The following STXBP5L variants were observed in gnomAD, a reference collection of about 807,000 sequenced individuals.
STXBP5L encodes the protein syntaxin-binding protein 5-like.
In STXBP5L, 65 loss-of-function variants were observed where a neutral mutation model predicts 144.5. The ratio of observed to expected loss-of-function variants is 0.45; its 90% CI spans 0.37 to 0.55. The LOEUF (loss-of-function observed/expected upper bound fraction) is 0.55, where lower values mean the gene tolerates loss of function less well. Ranked by LOEUF, STXBP5L falls within the 20% of genes least tolerant of loss-of-function variation. The pLI is 0.00. For synonymous variants in STXBP5L, 505 were observed against 469.6 expected (o/e 1.08, Z -0.97); for missense variants, 1,298 against 1,405.5 (o/e 0.92, Z 1.22).
chr3:121,096,665 G>A (rs1306436083), intron 5 of STXBP5L, among the ~76,000 whole-genome samples: 2 of 152,014 alleles, frequency 1.3e-5, no homozygotes, highest in Non-Finnish European at 2.9e-5. Flanking sequence ...TATAACCAGG[G>A]GCGGCTGCAT....
intron 24 of STXBP5L, 110 bp from the exon 25 acceptor site, chr3:121,415,747 A>C: frequency 1.7e-6 from 1 of 605,274 alleles, no homozygotes; most frequent in Non-Finnish European, 2.7e-6. Flanking sequence ...AAATATATGA[A>C]AAGCAGACTG....
chr3:121,160,987 T>C (rs79733909), intron 9 of STXBP5L, among the ~76,000 whole-genome samples: 15,143 of 152,094 alleles, frequency 0.1, 950 homozygotes, highest in Non-Finnish European at 0.14. Flanking sequence ...CTATTTCTCT[T>C]CCCCTACTGT....
At chr3:121,085,272 T>C (rs907634584) in intron 5 of STXBP5L, among the ~76,000 whole-genome samples, 2 of 152,190 alleles carry the variant, frequency 1.3e-5, no homozygotes, top group East Asian at 3.8e-4. Flanking sequence ...GTTGACGTTT[T>C]TGTCATGAAA....
rs1348775722 is a variant in STXBP5L, at chr3:121,223,000, T to C, written c.957-3T>C. 7 of 1,597,026 alleles carry C rather than the reference T, an allele frequency of 4.4e-6. No individual in the cohort carries two copies. Among genetic ancestry groups the C allele is most frequent in the Non-Finnish European group, 6.0e-6 (7 of 1,174,488 alleles). On this transcript the variant is annotated splice_polypyrimidine_tract_variant and splice_region_variant and intron_variant, in intron 10 of 26. Transcript: ENST00000471454. ...AGTCTCATTCATGTTTTTTCCTATGTAGCGAACCATTCATAATATTCTCTG... is the reference window on the plus strand; with the variant it reads ...AGTCTCATTCATGTTTTTTCCTATGCAGCGAACCATTCATAATATTCTCTG...
chr3:120,993,450 T>G (rs1943085877), intron 3 of STXBP5L, among the ~76,000 whole-genome samples: 1 of 152,164 alleles, frequency 6.6e-6, no homozygotes, highest in African/African-American at 2.4e-5. Context: ...GGTCTTATGT[T>G]TAAGGCTTTA....
chr3:121,053,616 A>G (rs2107602128), intron 5 of STXBP5L, among the ~76,000 whole-genome samples: 1 of 152,320 alleles, frequency 6.6e-6, no homozygotes, highest in Non-Finnish European at 1.5e-5. Context: ...TAAATGTTAG[A>G]CCTAAAACCA....
At chr3:121,331,319 C>T (rs905465131) in intron 20 of STXBP5L, among the ~76,000 whole-genome samples, 3 of 152,178 alleles carry the variant, frequency 2.0e-5, no homozygotes, top group Non-Finnish European at 2.9e-5. Context: ...CCCCCTTGCT[C>T]GCCACTGCAG....
At chr3:121,179,699 G>A (rs527791545) in intron 9 of STXBP5L, among the ~76,000 whole-genome samples, 1 of 152,086 alleles carries the variant, frequency 6.6e-6, no homozygotes, top group South Asian at 2.1e-4. Context: ...TGTAGGATAT[G>A]GATGAAAAAT....
At chr3:121,364,478 T>C (rs1039019774) in intron 20 of STXBP5L, among the ~76,000 whole-genome samples, 2 of 147,168 alleles carry the variant, frequency 1.4e-5, no homozygotes, top group African/African-American at 5.1e-5. Flanking sequence ...TTGTTCTATA[T>C]CTGCAAAAAA....
intron 3 of STXBP5L, among the ~76,000 whole-genome samples, chr3:120,993,521 A>G (rs183315550): frequency 3.3e-5 from 5 of 152,180 alleles, no homozygotes; most frequent in Admixed American, 1.3e-4. Flanking sequence ...ATTGTTCTAC[A>G]TAAGGATATG....
At chr3:121,396,811 A>C (rs1006616297) in intron 22 of STXBP5L, among the ~76,000 whole-genome samples, 1 of 152,254 alleles carries the variant, frequency 6.6e-6, no homozygotes, top group Non-Finnish European at 1.5e-5. Context: ...TGGAAGAGGT[A>C]TATGAGCCCT....
intron 5 of STXBP5L, among the ~76,000 whole-genome samples, chr3:121,095,911 G>T (rs1331827408): frequency 6.6e-6 from 1 of 152,058 alleles, no homozygotes; most frequent in Non-Finnish European, 1.5e-5. Context: ...CCCCATCTTT[G>T]TGATTTTATC....
chr3:121,210,987 TG>T (rs1316640573), intron 10 of STXBP5L, among the ~76,000 whole-genome samples: 14 of 152,234 alleles, frequency 9.2e-5, no homozygotes, highest in African/African-American at 3.4e-4. Context: ...GGTAGCTTGA[TG>T]GGGATGGCAT....
chr3:121,221,447 A>T (rs941366147), intron 10 of STXBP5L, among the ~76,000 whole-genome samples: 1 of 151,800 alleles, frequency 6.6e-6, no homozygotes, highest in Non-Finnish European at 1.5e-5. Context: ...TATGGCCTTT[A>T]TTAATATTAA....
intron 7 of STXBP5L, among the ~76,000 whole-genome samples, chr3:121,139,712 G>A (rs2045413233): frequency 6.6e-6 from 1 of 152,024 alleles, no homozygotes; most frequent in Admixed American, 6.6e-5. Flanking sequence ...ATATTCTATT[G>A]CAACCAGTCA....
chr3:120,944,180 CT>C (rs150455653), intron 2 of STXBP5L, among the ~76,000 whole-genome samples: 2 of 149,842 alleles, frequency 1.3e-5, no homozygotes, highest in South Asian at 4.2e-4. Context: ...AAAGAGAATC[CT>C]TTTTTTTTCC....
intron 10 of STXBP5L, among the ~76,000 whole-genome samples, chr3:121,208,755 G>A (rs979349981): frequency 2.0e-5 from 3 of 151,630 alleles, no homozygotes; most frequent in African/African-American, 4.8e-5. Flanking sequence ...TTATTTTATG[G>A]GTTTTTTTCA....
intron 2 of STXBP5L, among the ~76,000 whole-genome samples, chr3:120,925,854 T>C (rs1224625050): frequency 1.3e-5 from 2 of 152,200 alleles, no homozygotes; most frequent in Non-Finnish European, 2.9e-5. Flanking sequence ...AGAGAACATC[T>C]TATAGATATA....
chr3:121,034,249 C>G (rs529942196), intron 3 of STXBP5L, among the ~76,000 whole-genome samples: 1 of 152,062 alleles, frequency 6.6e-6, no homozygotes, highest in Admixed American at 6.6e-5. Flanking sequence ...AAATAATATA[C>G]CTTATACCCA....
Sources: allele counts gnomAD v4.1 joint callset (sites outside exome capture counted in the v4.1 genomes callset), GRCh38; gene constraint gnomAD v4.1.1; transcripts MANE v1.5; gene names NCBI Gene and HGNC (gene_info 2026-07-23, HGNC 2026-07-21).